The following USH2A variants were observed in gnomAD, a reference collection of about 807,000 sequenced individuals.
USH2A encodes the protein Usher syndrome 2A (autosomal recessive, mild).
Under a neutral mutation model 538.9 loss-of-function variants are expected in USH2A, and 443 were observed. The ratio of observed to expected loss-of-function variants is 0.82; its 90% CI spans 0.76 to 0.89. The LOEUF (loss-of-function observed/expected upper bound fraction) is 0.89, where lower values mean the gene tolerates loss of function less well. Among genes scored for constraint, USH2A ranks in the 40% least tolerant of loss-of-function variants. The pLI, the probability that USH2A is intolerant of heterozygous loss-of-function variation, is 0.00. For synonymous variants in USH2A, 2,413 were observed against 2,273.5 expected (o/e 1.06, Z -1.75); for missense variants, 6,633 against 6,324.8 (o/e 1.05, Z -1.65).
intron 14 of USH2A, among the ~76,000 whole-genome samples, chr1:216,229,510 T>G (rs2035632933): frequency 6.6e-6 from 1 of 152,100 alleles, no homozygotes; most frequent in Non-Finnish European, 1.5e-5. Context: ...AGATGGGGTT[T>G]TGCCATGTTG....
intron 9 of USH2A, among the ~76,000 whole-genome samples, chr1:216,308,309 C>A (rs1166793473): frequency 6.6e-6 from 1 of 152,118 alleles, no homozygotes; most frequent in East Asian, 1.9e-4. Flanking sequence ...GCAGCAGCAC[C>A]TTCCCATAAG....
chr1:215,960,427 T>C (rs945908638), intron 37 of USH2A, among the ~76,000 whole-genome samples: 3 of 152,080 alleles, frequency 2.0e-5, no homozygotes, highest in Admixed American at 6.6e-5. Context: ...TTTAAATTGA[T>C]AGTTAATTCA....
intron 30 of USH2A, among the ~76,000 whole-genome samples, chr1:216,054,027 A>G (rs7518822): frequency 0.092 from 14,031 of 152,192 alleles, 1,524 homozygotes; most frequent in African/African-American, 0.26. Flanking sequence ...GAGAACTTGC[A>G]ACTTAGAAGT....
chr1:215,659,409 C>A (rs914870045), intron 64 of USH2A, among the ~76,000 whole-genome samples: 9 of 152,080 alleles, frequency 5.9e-5, no homozygotes, highest in African/African-American at 2.2e-4. Context: ...AAAAATGAGA[C>A]CACGAAAGTC....
chr1:215,753,091 C>T (rs1451956827), intron 58 of USH2A, among the ~76,000 whole-genome samples: 4 of 152,182 alleles, frequency 2.6e-5, no homozygotes, highest in Non-Finnish European at 5.9e-5. Flanking sequence ...CAGAGAAATG[C>T]AAGTCAAAAC....
chr1:216,256,197 A>G (rs301761), intron 11 of USH2A, among the ~76,000 whole-genome samples: 37,294 of 151,624 alleles, frequency 0.25, 4,586 homozygotes, highest in East Asian at 0.27. Flanking sequence ...CAATCTTCCA[A>G]TCTGTATATT....
At chr1:216,108,075 T>G (rs1460777088) in intron 21 of USH2A, among the ~76,000 whole-genome samples, 1 of 151,914 alleles carries the variant, frequency 6.6e-6, no homozygotes, top group Admixed American at 6.6e-5. Flanking sequence ...CATTTTTAAT[T>G]TCCATTTTCC....
chr1:215,996,545 G>T (rs957552508), intron 34 of USH2A, among the ~76,000 whole-genome samples: 15 of 123,666 alleles, frequency 1.2e-4, no homozygotes, highest in African/African-American at 4.7e-4. Context: ...TTTGTTGAGA[G>T]TAGCAACATA....
At chr1:215,958,947 C>T (rs546385530) in intron 37 of USH2A, among the ~76,000 whole-genome samples, 50 of 152,142 alleles carry the variant, frequency 3.3e-4, no homozygotes, top group Middle Eastern at 3.4e-3. Context: ...CCACAAGTCA[C>T]CAAAAGACTT....
At chr1:216,146,850 C>T (rs1571998619) in intron 21 of USH2A, among the ~76,000 whole-genome samples, 1 of 152,112 alleles carries the variant, frequency 6.6e-6, no homozygotes, top group Non-Finnish European at 1.5e-5. Flanking sequence ...TAGCCTGTGT[C>T]CTTAAGAACT....
At position 215,628,888 on chromosome 1, in the gene USH2A, T is replaced by C. The variant is rs1287124327; in HGVS notation, c.15445A>G (p.Met5149Val). The change falls in exon 71 of 72, where the codon ATG (methionine) becomes GTG (valine). Residue 5149 changes from methionine (M) to valine (V), a missense_variant. Physicochemically the swap from Met to Val is conservative, Grantham distance 21. Transcript: ENST00000307340. ...GSLHRSVSQL[M>V]DIQDKKVLMD... Reference sequence around the variant, plus strand: ...AAGACTTTCTTGTCTTGAATGTCCATGAGCTGGCTGACGCTGCGGTGAAGA... The same window carrying C: ...AAGACTTTCTTGTCTTGAATGTCCACGAGCTGGCTGACGCTGCGGTGAAGA... The C allele has an allele frequency of 1.1e-5, 17 of 1,613,560 alleles. No homozygotes were observed. Among genetic ancestry groups the C allele is most frequent in the Non-Finnish European group, 1.4e-5 (17 of 1,179,608 alleles).
Position 215,712,446 on chromosome 1 carries a change from G to A in USH2A, c.12066+15584C>T, listed in dbSNP as rs978573964. ...GCAGCACTGTCGTTTTTGAAGGCTG[G>A]TGAGTTGGCCCTCGGCAGTGTCACC... On this transcript the variant is annotated intron_variant, in intron 61 of 71. Transcript: ENST00000307340. Among the ~76,000 whole-genome samples, 5 of 152,320 alleles carry A rather than the reference G, an allele frequency of 3.3e-5. No individual in the cohort carries two copies. The South Asian group carries it at 1.0e-3, about 32-fold the overall frequency.
intron 47 of USH2A, among the ~76,000 whole-genome samples, chr1:215,836,242 C>A (rs1332523404): frequency 6.6e-6 from 1 of 151,338 alleles, no homozygotes; most frequent in African/African-American, 2.4e-5. Context: ...TCAAAGGTCA[C>A]ATCTTCCATG....
chr1:215,884,359 T>G (rs181977792), intron 41 of USH2A, among the ~76,000 whole-genome samples: 1 of 152,240 alleles, frequency 6.6e-6, no homozygotes. Flanking sequence ...TGGAGTTAAG[T>G]CCTTCCATCC....
At chr1:216,057,615 C>T (rs373582747) in intron 30 of USH2A, among the ~76,000 whole-genome samples, 18 of 152,014 alleles carry the variant, frequency 1.2e-4, no homozygotes, top group Admixed American at 5.9e-4. Context: ...TGAACCCGGG[C>T]GGCGCAGGTT....
intron 15 of USH2A, 125 bp downstream of exon 15, chr1:216,217,262 T>TA: frequency 8.2e-7 from 1 of 1,222,052 alleles, no homozygotes; most frequent in Non-Finnish European, 1.2e-6. Context: ...TTCCATCTCT[T>TA]ACCTACGTTC....
At chr1:216,123,713 A>G (rs1479697040) in intron 21 of USH2A, among the ~76,000 whole-genome samples, 4 of 152,168 alleles carry the variant, frequency 2.6e-5, no homozygotes, top group African/African-American at 4.8e-5. Flanking sequence ...ACACAGCCCA[A>G]TGCAAAATTA....
chr1:216,268,798 C>T (rs888929424), intron 11 of USH2A, among the ~76,000 whole-genome samples: 26 of 152,058 alleles, frequency 1.7e-4, no homozygotes, highest in African/African-American at 6.0e-4. Flanking sequence ...ACTCCTTCAT[C>T]TCCTTCAGGT....
At chr1:216,051,281 A>G (rs1034352171) in intron 30 of USH2A, among the ~76,000 whole-genome samples, 2 of 152,162 alleles carry the variant, frequency 1.3e-5, no homozygotes, top group African/African-American at 4.8e-5. Flanking sequence ...TCCCACTGGT[A>G]TTTCATACTC....
Sources: gnomAD v4.1 joint callset for allele counts (sites outside exome capture counted in the v4.1 genomes callset) on GRCh38, gnomAD v4.1.1 for gene constraint, MANE v1.5 for transcripts, NCBI Gene and HGNC (gene_info 2026-07-23, HGNC 2026-07-21) for gene names.